The following ZNF286A variants were observed in gnomAD, a reference collection of about 807,000 sequenced individuals.
ZNF286A encodes the protein zinc finger protein 286A.
ZNF286A carries 34 observed loss-of-function variants against 49.3 expected under a neutral mutation model. That is an observed-to-expected ratio of 0.69 (90% CI 0.52 to 0.92). The LOEUF is 0.92. Ranked by LOEUF, ZNF286A falls within the 40% of genes least tolerant of loss-of-function variation. The pLI is 0.00. For missense variants in ZNF286A, 462 were observed against 600.2 expected, an observed-to-expected ratio of 0.77 and a Z score of 2.41; for synonymous variants, 155 against 200.4, an observed-to-expected ratio of 0.77 and a Z score of 1.91.
At chr17:15,700,989 T>C (rs1269059206) in intron 2 of ZNF286A, among the ~76,000 whole-genome samples, 163 bp from the exon 3 acceptor site, 1 of 145,768 alleles carries the variant, frequency 6.9e-6, no homozygotes, top group Non-Finnish European at 1.5e-5. Context: ...TATTCCCGCA[T>C]ATCCCGGGAA....
In ZNF286A at chr17:15,704,479, G is replaced by T. The variant is rs142203615; in HGVS notation, c.127-1908G>T. On this transcript the variant is annotated intron_variant, in intron 3 of 5. Coordinates refer to ENST00000583566, the MANE Select transcript of ZNF286A (RefSeq NM_001130842.2). ...ACGGGCCCGAGCCGCATACTCCTCG[G>T]AGTTCTCCAAGAGCAGGCGGCCCGC... 3,399 of 1,581,684 alleles carry T rather than the reference G, an allele frequency of 2.1e-3. 13 individuals are homozygous for T. Among genetic ancestry groups the T allele is most frequent in the African/African-American group, 0.011 (768 of 68,622 alleles).
intron 3 of ZNF286A, among the ~76,000 whole-genome samples, chr17:15,705,987 T>A (rs1353325050): frequency 7.9e-5 from 12 of 152,238 alleles, no homozygotes; most frequent in Non-Finnish European, 1.6e-4. Flanking sequence ...TTGGCTAGAT[T>A]GACTCTTCAA....
intron 5 of ZNF286A, among the ~76,000 whole-genome samples, chr17:15,715,353 T>C (rs1426933715): frequency 6.6e-6 from 1 of 152,076 alleles, no homozygotes; most frequent in Non-Finnish European, 1.5e-5. Flanking sequence ...GTGGTCACCT[T>C]ATAGCAATAT....
intron 5 of ZNF286A, among the ~76,000 whole-genome samples, chr17:15,713,112 C>T (rs1385693588): frequency 2.0e-5 from 3 of 152,112 alleles, no homozygotes; most frequent in South Asian, 2.1e-4. Flanking sequence ...AATAATTGGC[C>T]GGGTGTGGTG....
intron 5 of ZNF286A, among the ~76,000 whole-genome samples, chr17:15,714,613 G>A (rs541184015): frequency 5.4e-4 from 82 of 152,204 alleles, no homozygotes; most frequent in African/African-American, 1.9e-3. Context: ...TAAGGAAACC[G>A]AAGTAAAGAG....
At chr17:15,715,523 C>T (rs1004356305) in intron 5 of ZNF286A, among the ~76,000 whole-genome samples, 12 of 152,220 alleles carry the variant, frequency 7.9e-5, no homozygotes, top group Admixed American at 2.6e-4. Context: ...TATATCATTT[C>T]ATATATTTGT....
rs1451929931 is a variant in ZNF286A at position 15,716,551 on chromosome 17, G to T, written c.827G>T (p.Cys276Phe). ...GAGAAACCCTATACCTGCAATGAAT[G>T]TGGGAAATCTTTTAGCCACAGAGCT... ...TGEKPYTCNE[C>F]GKSFSHRANL... The change falls in exon 6 of 6, where the codon TGT becomes TTT. Residue 276 changes from cysteine (C) to phenylalanine (F), a missense_variant. Coordinates refer to ENST00000583566, the MANE Select transcript of ZNF286A (RefSeq NM_001130842.2). The T allele has an allele frequency of 6.2e-7, 1 of 1,614,094 alleles. No individual in the cohort carries two copies. The highest frequency in any genetic ancestry group is 2.2e-5 in the East Asian group (1 of 44,868).
At chr17:15,702,570 C>T (rs1360168249) in intron 3 of ZNF286A, among the ~76,000 whole-genome samples, 2 of 151,780 alleles carry the variant, frequency 1.3e-5, no homozygotes, top group African/African-American at 2.4e-5. Context: ...ATGTGTGTGG[C>T]ATACCACAAC....
Position 15,716,698 on chromosome 17 carries a change from C to A in ZNF286A, c.974C>A (p.Pro325His), listed in dbSNP as rs1157220846. The A allele has an allele frequency of 1.9e-6, 3 of 1,613,738 alleles. No individual in the cohort carries two copies. Among genetic ancestry groups the A allele is most frequent in the Non-Finnish European group, 2.5e-6 (3 of 1,179,858 alleles). ...CAGAGAATTCACGTTGGAGAGAGAC[C>A]TTATGAATGCAATGAATGTGGGAAA... ...THQRIHVGER[P>H]YECNECGKGF... Residue 325 changes from proline (P) to histidine (H), a missense_variant, in exon 6 of 6, where the codon CCT becomes CAT. This residue lies in a region of ZNF286A where 201 missense variants were observed against 311.3 expected (regional missense o/e 0.65). Coordinates refer to ENST00000583566, the MANE Select transcript of ZNF286A (RefSeq NM_001130842.2).
At position 15,706,510 on chromosome 17, in the gene ZNF286A, G is replaced by A; in HGVS notation, c.241+9G>A. Reference sequence around the variant, plus strand: ...GAACCTAGTCTCACTTTGTAAGAATGGATTGTGATTCTGGAATCTGCTTAT... The same window carrying A: ...GAACCTAGTCTCACTTTGTAAGAATAGATTGTGATTCTGGAATCTGCTTAT... On this transcript the variant is annotated intron_variant, in intron 4 of 5. Coordinates refer to ENST00000583566, the MANE Select transcript of ZNF286A (RefSeq NM_001130842.2). The A allele has an allele frequency of 6.3e-7, 1 of 1,577,668 alleles. No homozygotes were observed. Among genetic ancestry groups the A allele is most frequent in the South Asian group, 1.2e-5 (1 of 86,794 alleles).
intron 5 of ZNF286A, among the ~76,000 whole-genome samples, chr17:15,711,864 C>CG (rs1000202880): frequency 2.3e-4 from 23 of 102,114 alleles, no homozygotes; most frequent in East Asian, 6.2e-4. Context: ...TAATCTGCCC[C>CG]CCCCCCGGCT....
At chr17:15,712,493 A>G (rs2151475521) in intron 5 of ZNF286A, among the ~76,000 whole-genome samples, 1 of 152,278 alleles carries the variant, frequency 6.6e-6, no homozygotes, top group South Asian at 2.1e-4. Flanking sequence ...TAAATTTCCC[A>G]TCTCCCCAAC....
At chr17:15,701,289 G>A in intron 3 of ZNF286A, 49 bp downstream of exon 3, 1 of 1,561,738 alleles carries the variant, frequency 6.4e-7, no homozygotes, top group Non-Finnish European at 8.8e-7. Context: ...TTAGAGTACA[G>A]ATGCACTCCC....
chr17:15,716,245 G>A lies in ZNF286A; in HGVS notation c.521G>A (p.Arg174Lys), dbSNP rs756065974. The A allele has an allele frequency of 1.9e-6, 3 of 1,613,868 alleles. No homozygotes were observed. The Admixed American group carries it at 5.0e-5, about 27-fold the overall frequency. Residue 174 changes from arginine to lysine, a missense_variant, in exon 6 of 6, where the codon AGA becomes AAA. Arg to Lys is a conservative substitution (Grantham distance 26). Transcript: ENST00000583566. The stretch of plus-strand genomic sequence containing the variant: ...CAAGGAAATCAGGAGAGACATTTGA[G>A]AGAAATGTTCACTCACATGAATTCA... Reference protein sequence around the residue: ...NQQGNQERHLREMFTHMNSLS... With the variant: ...NQQGNQERHLKEMFTHMNSLS...
At position 15,716,719 on chromosome 17, in the gene ZNF286A, G is replaced by A; in HGVS notation, c.995G>A (p.Gly332Glu). 3.1e-6 allele frequency: 5 copies of A among 1,613,906 alleles called. No homozygotes were observed. Among genetic ancestry groups the A allele is most frequent in the Non-Finnish European group, 4.2e-6 (5 of 1,179,860 alleles). ...GERPYECNEC[G>E]KGFNRSTHLV... Reference sequence around the variant, plus strand: ...AGACCTTATGAATGCAATGAATGTGGGAAAGGTTTTAATCGAAGTACACAT... The same window carrying A: ...AGACCTTATGAATGCAATGAATGTGAGAAAGGTTTTAATCGAAGTACACAT... The change falls in exon 6 of 6, where the codon GGG becomes GAG. Residue 332 changes from glycine (G) to glutamate (E), a missense_variant. Physicochemically the swap from Gly to Glu is moderately conservative, Grantham distance 98. This residue lies in a region of ZNF286A where 201 missense variants were observed against 311.3 expected (regional missense o/e 0.65). Transcript: ENST00000583566.
intron 2 of ZNF286A, chr17:15,700,662 A>C: frequency 2.2e-6 from 1 of 449,916 alleles, no homozygotes. Context: ...TACATAGGAG[A>C]AAACAGGCGT....
rs1439376645 is a variant in ZNF286A, at chr17:15,717,172, A to G, written c.1448A>G (p.Gln483Arg). 4 of 1,608,420 alleles carry G rather than the reference A, an allele frequency of 2.5e-6. No individual in the cohort carries two copies. The highest frequency in any genetic ancestry group is 3.4e-6 in the Non-Finnish European group (4 of 1,177,084). Residue 483 changes from glutamine to arginine, a missense_variant, in exon 6 of 6, where the codon CAA (glutamine) becomes CGA (arginine). Transcript: ENST00000583566. Reference protein sequence around the residue: ...KAFIHSSALIQHQRTHTGEKP... With the variant: ...KAFIHSSALIRHQRTHTGEKP... The stretch of plus-strand genomic sequence containing the variant: ...TTCATTCATTCATCAGCTCTCATTC[A>G]ACATCAGAGAACTCATACCGGAGAG...
rs200707317 is a variant in ZNF286A at position 15,716,233 on chromosome 17, A to G, written c.509A>G (p.Glu170Gly). Residue 170 changes from glutamate (E) to glycine (G), a missense_variant, in exon 6 of 6, where the codon GAG becomes GGG. Transcript: ENST00000583566. The stretch of plus-strand genomic sequence containing the variant: ...TTAGAGAATCAGCAAGGAAATCAGG[A>G]GAGACATTTGAGAGAAATGTTCACT... ...NWLENQQGNQ[E>G]RHLREMFTHM... The G allele has an allele frequency of 1.5e-4, 241 of 1,613,932 alleles. No individual in the cohort carries two copies. The highest frequency in any genetic ancestry group is 1.9e-4 in the Non-Finnish European group (222 of 1,179,838).
At chr17:15,715,217 TA>T (rs1567711817) in intron 5 of ZNF286A, among the ~76,000 whole-genome samples, 2 of 151,876 alleles carry the variant, frequency 1.3e-5, no homozygotes, top group African/African-American at 2.4e-5. Flanking sequence ...ATCCTTTTTT[TA>T]TTTTTTTTTA....
Sources: allele counts gnomAD v4.1 joint callset (sites outside exome capture counted in the v4.1 genomes callset), GRCh38; gene constraint gnomAD v4.1.1; regional missense constraint gnomAD v4.1.1; transcripts MANE v1.5; gene names NCBI Gene and HGNC (gene_info 2026-07-23, HGNC 2026-07-21).